SEMA6D: variants seen among roughly 807,000 people sequenced by gnomAD.
The protein encoded by SEMA6D is semaphorin 6D, also known as semaphorin-6D.
SEMA6D carries 35 observed loss-of-function variants against 106.6 expected under a neutral mutation model. The ratio of observed to expected loss-of-function variants is 0.33; its 90% CI spans 0.25 to 0.44. The LOEUF (loss-of-function observed/expected upper bound fraction) is 0.44, where lower values mean the gene tolerates loss of function less well. Ranked by LOEUF, SEMA6D falls within the 20% of genes least tolerant of loss-of-function variation. SEMA6D has a pLI of 1.00. For synonymous variants in SEMA6D, 499 were observed against 487.7 expected, an observed-to-expected ratio of 1.02 and a Z score of -0.31; for missense variants, 1,185 against 1,345.9, an observed-to-expected ratio of 0.88 and a Z score of 1.87.
Position 47,770,548 on chromosome 15 carries a change from A to G in SEMA6D, c.1985A>G (p.Asn662Ser). 1 of 1,612,726 alleles carries G rather than the reference A, an allele frequency of 6.2e-7. No individual in the cohort carries two copies. Among genetic ancestry groups the G allele is most frequent in the South Asian group, 1.1e-5 (1 of 90,984 alleles). Residue 662 changes from asparagine to serine, a missense_variant, in exon 19 of 19, where the codon AAT becomes AGT. Physicochemically the swap from Asn to Ser is conservative, Grantham distance 46 (BLOSUM62 1). Coordinates refer to ENST00000536845, the MANE Select transcript of SEMA6D (RefSeq NM_001358351.3). ...SGESNQMVHMNVLITCVFAAF... is the reference protein window; with the variant it reads ...SGESNQMVHMSVLITCVFAAF... ...GAGTCCAACCAGATGGTCCACATGA[A>G]TGTCCTCATCACCTGTGTCTTTGCT...
rs1049194988 is a variant in SEMA6D at position 47,287,000 on chromosome 15, C to T, written c.-239+102582C>T. Among the ~76,000 whole-genome samples the T allele has an allele frequency of 1.2e-4, 19 of 152,144 alleles. 1 individual carries two copies. Among genetic ancestry groups the T allele is most frequent in the Admixed American group, 1.3e-4 (2 of 15,274 alleles). On this transcript the variant is annotated intron_variant, in intron 1 of 19. Transcript: ENST00000558014. ...CTGACATACATTTCTCCCCCTCTTC[C>T]AAGCACATGGAAGAATGTAGCTCTC...
chr15:47,498,052 A>G (rs1435118600), intron 3 of SEMA6D, among the ~76,000 whole-genome samples: 1 of 152,138 alleles, frequency 6.6e-6, no homozygotes, highest in Non-Finnish European at 1.5e-5. Context: ...CAATACCACG[A>G]AAACACATTG....
chr15:47,256,057 G>T (rs2033789070), intron 1 of SEMA6D, among the ~76,000 whole-genome samples: 1 of 152,088 alleles, frequency 6.6e-6, no homozygotes, highest in Non-Finnish European at 1.5e-5. Context: ...TAATCTATGT[G>T]TCTGTTTCTC....
At position 47,217,865 on chromosome 15, in the gene SEMA6D, G is replaced by T. The variant is rs1369343662; in HGVS notation, c.-239+33447G>T. Among the ~76,000 whole-genome samples the T allele has an allele frequency of 2.9e-4, 19 of 65,348 alleles. 1 individual carries two copies. Among genetic ancestry groups the T allele is most frequent in the Admixed American group, 2.8e-3 (14 of 4,942 alleles). The allele number at this position is 65,348 out of a possible 152,430, so 42.9% of individuals were successfully genotyped here. A position where few individuals can be genotyped will look rare whatever the true frequency, so the allele number is the denominator to read the frequency against. Reference sequence around the variant, plus strand: ...ACACACCCCTGCTTCCTGCTTGCATGTACACACATACACACACACACACAC... The same window carrying T: ...ACACACCCCTGCTTCCTGCTTGCATTTACACACATACACACACACACACAC... On this transcript the variant is annotated intron_variant, in intron 1 of 19. Coordinates refer to the SEMA6D transcript ENST00000558014.
intron 1 of SEMA6D, among the ~76,000 whole-genome samples, chr15:47,345,506 C>CA (rs961263702): frequency 1.3e-5 from 2 of 150,162 alleles, no homozygotes; most frequent in African/African-American, 2.4e-5. Context: ...TAGCCACATG[C>CA]AAAAAAAAAT....
At chr15:47,322,932 C>T (rs186049832) in intron 1 of SEMA6D, among the ~76,000 whole-genome samples, 152 of 152,142 alleles carry the variant, frequency 1.0e-3, no homozygotes, top group Middle Eastern at 6.8e-3. Context: ...AATTTGTTAC[C>T]GCATAAATTT....
chr15:47,406,249 G>A (rs1595918776), intron 1 of SEMA6D, among the ~76,000 whole-genome samples: 1 of 152,122 alleles, frequency 6.6e-6, no homozygotes, highest in East Asian at 1.9e-4. Context: ...CATAGCGAGG[G>A]CAACAAAATC....
chr15:47,678,586 A>ATAGC (rs1391635060), intron 4 of SEMA6D, among the ~76,000 whole-genome samples: 1 of 152,070 alleles, frequency 6.6e-6, no homozygotes, highest in Non-Finnish European at 1.5e-5. Flanking sequence ...CAAAGGGCAC[A>ATAGC]TAGCTAGTAA....
At chr15:47,610,785 G>A (rs2076883329) in intron 4 of SEMA6D, among the ~76,000 whole-genome samples, 1 of 152,150 alleles carries the variant, frequency 6.6e-6, no homozygotes, top group Admixed American at 6.5e-5. Flanking sequence ...TGAAAATATA[G>A]TTAATAAGCT....
chr15:47,219,397 A>G (rs2030978441), intron 1 of SEMA6D, among the ~76,000 whole-genome samples: 1 of 152,232 alleles, frequency 6.6e-6, no homozygotes, highest in South Asian at 2.1e-4. Context: ...ATGGCTAAAT[A>G]CAAGATTTTA....
At chr15:47,436,013 T>C (rs1170975309) in intron 2 of SEMA6D, among the ~76,000 whole-genome samples, 1 of 152,004 alleles carries the variant, frequency 6.6e-6, no homozygotes, top group African/African-American at 2.4e-5. Flanking sequence ...TCTGAGGGGG[T>C]TGAGTGTTTC....
At chr15:47,224,819 C>T (rs769951480) in intron 1 of SEMA6D, among the ~76,000 whole-genome samples, 3 of 151,986 alleles carry the variant, frequency 2.0e-5, no homozygotes, top group Non-Finnish European at 4.4e-5. Context: ...ATCTTGATCT[C>T]CTACTTCCTG....
At chr15:47,573,679 T>C (rs763232755) in intron 3 of SEMA6D, among the ~76,000 whole-genome samples, 3 of 152,206 alleles carry the variant, frequency 2.0e-5, no homozygotes, top group Non-Finnish European at 4.4e-5. Flanking sequence ...ATTGCCACTA[T>C]TAAAACATGT....
chr15:47,427,534 A>G (rs1014092447), intron 2 of SEMA6D, among the ~76,000 whole-genome samples: 5 of 152,290 alleles, frequency 3.3e-5, no homozygotes, highest in African/African-American at 7.2e-5. Context: ...CAGAAATACT[A>G]TCTTTTATAT....
intron 1 of SEMA6D, among the ~76,000 whole-genome samples, chr15:47,312,952 C>T (rs2036506292): frequency 6.6e-6 from 1 of 152,038 alleles, no homozygotes; most frequent in South Asian, 2.1e-4. Context: ...CAAATATTTT[C>T]CCCTTTTTAT....
intron 1 of SEMA6D, among the ~76,000 whole-genome samples, chr15:47,750,564 T>C (rs978023618): frequency 2.0e-5 from 3 of 152,210 alleles, no homozygotes; most frequent in African/African-American, 7.2e-5. Context: ...GTCAGGCCCT[T>C]CCTTGCTCCT....
At chr15:47,411,897 G>C in intron 1 of SEMA6D, among the ~76,000 whole-genome samples, 1 of 151,612 alleles carries the variant, frequency 6.6e-6, no homozygotes, top group Non-Finnish European at 1.5e-5. Flanking sequence ...TCTTGAGTAA[G>C]AGTATAGGTT....
intron 1 of SEMA6D, among the ~76,000 whole-genome samples, chr15:47,297,854 A>T (rs1219736222): frequency 6.6e-6 from 1 of 152,150 alleles, no homozygotes; most frequent in Non-Finnish European, 1.5e-5. Flanking sequence ...TGATAGTTTC[A>T]TGCAGAGAGG....
chr15:47,254,080 A>T (rs2033663333), intron 1 of SEMA6D, among the ~76,000 whole-genome samples: 1 of 151,440 alleles, frequency 6.6e-6, no homozygotes, highest in Non-Finnish European at 1.5e-5. Flanking sequence ...CCGTGGTTAA[A>T]TTTATTGCTA....
Sources: allele counts gnomAD v4.1 joint callset (sites outside exome capture counted in the v4.1 genomes callset), GRCh38; gene constraint gnomAD v4.1.1; transcripts MANE v1.5; gene names NCBI Gene and HGNC (gene_info 2026-07-23, HGNC 2026-07-21).